ZBTB20: variants seen among roughly 807,000 people sequenced by gnomAD.
ZBTB20 encodes zinc finger and BTB domain containing 20.
In ZBTB20, 9 loss-of-function variants were observed where a neutral mutation model predicts 56.9. The observed-to-expected ratio is 0.16, with a 90% CI of 0.10 to 0.28. The LOEUF is 0.28. Among genes scored for constraint, ZBTB20 ranks in the 10% least tolerant of loss-of-function variants. The pLI, the probability that ZBTB20 is intolerant of heterozygous loss-of-function variation, is 1.00. For synonymous variants in ZBTB20, 417 were observed against 420.7 expected, an observed-to-expected ratio of 0.99 and a Z score of 0.11; for missense variants, 655 against 1,003.0, an observed-to-expected ratio of 0.65 and a Z score of 4.69.
intron 5 of ZBTB20, among the ~76,000 whole-genome samples, chr3:114,752,738 T>C (rs1030120331): frequency 2.6e-5 from 4 of 152,196 alleles, no homozygotes; most frequent in Non-Finnish European, 5.9e-5. Flanking sequence ...CTCTGACCTT[T>C]TGAAGGACAG....
Position 114,336,949 on chromosome 3 carries a change from C to G in ZBTB20, c.*2056G>C, listed in dbSNP as rs2108070479. The G allele has an allele frequency of 6.6e-6, 1 of 152,258 alleles. No homozygotes were observed. Among genetic ancestry groups the G allele is most frequent in the Admixed American group, 6.5e-5 (1 of 15,284 alleles). 9.4% of individuals were successfully genotyped at this position (152,258 alleles called of 1,614,324 possible). ...AGGTTTAAGAATTCCTATATTTGAGCTGGAATCCCTTCAGGACACTGTCTA... is the reference window on the plus strand; with the variant it reads ...AGGTTTAAGAATTCCTATATTTGAGGTGGAATCCCTTCAGGACACTGTCTA... On this transcript the variant is annotated 3_prime_UTR_variant, in exon 12 of 12. Coordinates refer to ENST00000675478, the MANE Select transcript of ZBTB20 (RefSeq NM_001348800.3).
intron 5 of ZBTB20, among the ~76,000 whole-genome samples, chr3:114,750,056 C>T (rs2067443448): frequency 6.6e-6 from 1 of 152,148 alleles, no homozygotes; most frequent in Non-Finnish European, 1.5e-5. Flanking sequence ...TTTTTAATGA[C>T]ATTTCCCAAA....
At chr3:114,545,116 G>A (rs758591406) in intron 6 of ZBTB20, among the ~76,000 whole-genome samples, 3 of 152,102 alleles carry the variant, frequency 2.0e-5, no homozygotes, top group Non-Finnish European at 4.4e-5. Flanking sequence ...TATGAAGGAC[G>A]GAAAACCCGC....
At chr3:114,827,456 A>G (rs916335872) in intron 4 of ZBTB20, among the ~76,000 whole-genome samples, 12 of 151,824 alleles carry the variant, frequency 7.9e-5, no homozygotes, top group African/African-American at 2.9e-4. Flanking sequence ...TCCAGAAACT[A>G]TTTTAACACG....
chr3:115,117,629 G>A (rs1039940506), intron 1 of ZBTB20, among the ~76,000 whole-genome samples: 8 of 150,668 alleles, frequency 5.3e-5, no homozygotes, highest in South Asian at 2.1e-4. Context: ...ATCCATTAAC[G>A]TTCTCCACAA....
intron 6 of ZBTB20, chr3:114,519,050 C>T (rs1033371961): frequency 1.3e-5 from 2 of 152,156 alleles, no homozygotes; most frequent in African/African-American, 4.8e-5. Context: ...GAATGAAGTT[C>T]AGTCCTAAAG....
At chr3:114,473,455 A>G (rs1024600467) in intron 7 of ZBTB20, among the ~76,000 whole-genome samples, 3 of 152,322 alleles carry the variant, frequency 2.0e-5, no homozygotes, top group Admixed American at 6.5e-5. Context: ...GCTTTAGAAT[A>G]TAAGAGCTGG....
intron 4 of ZBTB20, among the ~76,000 whole-genome samples, chr3:114,896,396 GCAATT>G (rs2074880063): frequency 6.6e-6 from 1 of 152,068 alleles, no homozygotes; most frequent in South Asian, 2.1e-4. Context: ...GTATATACAT[GCAATT>G]AATTATTATT....
intron 7 of ZBTB20, among the ~76,000 whole-genome samples, chr3:114,395,514 G>T (rs181955697): frequency 6.6e-6 from 1 of 152,194 alleles, no homozygotes; most frequent in East Asian, 1.9e-4. Context: ...AACATGTTAA[G>T]GAAGTCTATT....
intron 7 of ZBTB20, among the ~76,000 whole-genome samples, chr3:114,408,207 A>C (rs2087532382): frequency 6.6e-6 from 1 of 152,204 alleles, no homozygotes; most frequent in South Asian, 2.1e-4. Context: ...TATGATAAAA[A>C]ATACTATGTA....
intron 10 of ZBTB20, among the ~76,000 whole-genome samples, chr3:114,364,146 A>G (rs1435925764): frequency 3.3e-5 from 5 of 152,008 alleles, no homozygotes; most frequent in African/African-American, 1.2e-4. Flanking sequence ...TATCAATATG[A>G]TTTTGTGTCA....
At chr3:114,708,838 T>C (rs1039616432) in intron 5 of ZBTB20, among the ~76,000 whole-genome samples, 2 of 152,196 alleles carry the variant, frequency 1.3e-5, no homozygotes, top group African/African-American at 2.4e-5. Flanking sequence ...TGCTTGTTTC[T>C]GGGTAGAGAA....
chr3:114,467,588 C>G (rs764214365), intron 7 of ZBTB20, among the ~76,000 whole-genome samples: 2 of 152,020 alleles, frequency 1.3e-5, no homozygotes, highest in Non-Finnish European at 2.9e-5. Context: ...TTGAAAGGAC[C>G]ACCTCTTATT....
chr3:114,412,817 C>T (rs947896106), intron 7 of ZBTB20, among the ~76,000 whole-genome samples: 3 of 152,142 alleles, frequency 2.0e-5, no homozygotes, highest in Non-Finnish European at 4.4e-5. Flanking sequence ...GCAAAAACTT[C>T]AGTCTCTAGC....
chr3:114,587,141 C>T (rs1340010728), intron 6 of ZBTB20, among the ~76,000 whole-genome samples: 1 of 151,768 alleles, frequency 6.6e-6, no homozygotes, highest in African/African-American at 2.4e-5. Flanking sequence ...GGACTACAGG[C>T]ACCCACCACC....
chr3:114,723,251 CA>C (rs1217139822), intron 5 of ZBTB20, among the ~76,000 whole-genome samples: 2 of 152,016 alleles, frequency 1.3e-5, no homozygotes, highest in African/African-American at 4.8e-5. Context: ...TGAAAAAAAT[CA>C]GGTCCTTCCA....
intron 7 of ZBTB20, among the ~76,000 whole-genome samples, chr3:114,497,037 G>T (rs899762543): frequency 6.6e-6 from 1 of 152,108 alleles, no homozygotes. Flanking sequence ...ATGTATTTTG[G>T]TCTGAAATTT....
At position 114,351,700 on chromosome 3, in the gene ZBTB20, G is replaced by A. The variant is rs766261320; in HGVS notation, c.378C>T (p.Ser126=). Residue 126 remains serine (S), a synonymous_variant, in exon 11 of 12, where the codon AGC becomes AGT. Coordinates refer to ENST00000675478, the MANE Select transcript of ZBTB20 (RefSeq NM_001348800.3). ...RAHRCVLAAG[S]PFFQDKLLLG... is the part of the protein sequence containing the mutation. ...GCAGCAGTTTGTCCTGGAAGAAGGGGCTGCCGGCTGCCAGCACGCAGCGGT... is the reference window on the plus strand; with the variant it reads ...GCAGCAGTTTGTCCTGGAAGAAGGGACTGCCGGCTGCCAGCACGCAGCGGT... 1.1e-5 allele frequency: 18 copies of A among 1,613,854 alleles called. No homozygotes were observed. Among genetic ancestry groups the A allele is most frequent in the Admixed American group, 1.7e-5 (1 of 60,014 alleles).
intron 1 of ZBTB20, among the ~76,000 whole-genome samples, chr3:115,109,862 A>G (rs893653412): frequency 6.6e-6 from 1 of 152,356 alleles, no homozygotes; most frequent in East Asian, 1.9e-4. Flanking sequence ...ATATTAAAAA[A>G]TAGCTTTCAA....
Sources: allele counts gnomAD v4.1 joint callset (sites outside exome capture counted in the v4.1 genomes callset), GRCh38; gene constraint gnomAD v4.1.1; transcripts MANE v1.5; gene names NCBI Gene and HGNC (gene_info 2026-07-23, HGNC 2026-07-21).